The following CCDC93 variants were observed in gnomAD, a reference collection of about 807,000 sequenced individuals.
CCDC93 encodes coiled-coil domain-containing protein 93.
In CCDC93, 61 loss-of-function variants were observed where a neutral mutation model predicts 108.2. The ratio of observed to expected loss-of-function variants is 0.56; its 90% CI spans 0.46 to 0.70. CCDC93 has a LOEUF of 0.70. Ranked by LOEUF, CCDC93 falls within the 30% of genes least tolerant of loss-of-function variation. The probability of loss-of-function intolerance (pLI) is 0.00; values close to 1 mark genes in which losing one functional copy is unlikely to be tolerated. For synonymous variants in CCDC93, 276 were observed against 260.4 expected, an observed-to-expected ratio of 1.06 and a Z score of -0.58; for missense variants, 685 against 764.2, an observed-to-expected ratio of 0.90 and a Z score of 1.22.
chr2:117,987,217 G>A (rs1355173368), intron 6 of CCDC93, among the ~76,000 whole-genome samples: 1 of 152,120 alleles, frequency 6.6e-6, no homozygotes, highest in Non-Finnish European at 1.5e-5. Flanking sequence ...ACCACACTGT[G>A]AAGTAGAGAC....
At chr2:117,957,715 C>T (rs769424050) in intron 12 of CCDC93, among the ~76,000 whole-genome samples, 5 of 152,170 alleles carry the variant, frequency 3.3e-5, no homozygotes, top group Non-Finnish European at 5.9e-5. Context: ...GGCTAAGACC[C>T]TTCCTCCTCT....
intron 23 of CCDC93, among the ~76,000 whole-genome samples, chr2:117,924,813 A>G (rs1431601853): frequency 2.0e-5 from 3 of 152,220 alleles, no homozygotes; most frequent in Non-Finnish European, 4.4e-5. Flanking sequence ...GAGCAACTCC[A>G]AGACACATAA....
chr2:117,935,392 G>C, intron 22 of CCDC93, 103 bp downstream of exon 22: 1 of 789,012 alleles, frequency 1.3e-6, no homozygotes, highest in East Asian at 2.5e-5. Context: ...TTTCAGGATT[G>C]AGGGCACACT....
chr2:117,982,955 C>T (rs188593455), intron 7 of CCDC93, among the ~76,000 whole-genome samples: 2 of 152,262 alleles, frequency 1.3e-5, no homozygotes, highest in African/African-American at 4.8e-5. Flanking sequence ...CGGGCTGTTG[C>T]CCCCAAATAT....
At chr2:117,966,626 G>C (rs1679586895) in intron 11 of CCDC93, among the ~76,000 whole-genome samples, 1 of 152,180 alleles carries the variant, frequency 6.6e-6, no homozygotes, top group Non-Finnish European at 1.5e-5. Flanking sequence ...TGATAGATGG[G>C]GACAAGATCT....
chr2:118,009,184 A>G (rs1238497932), intron 1 of CCDC93, among the ~76,000 whole-genome samples: 1 of 152,102 alleles, frequency 6.6e-6, no homozygotes, highest in South Asian at 2.1e-4. Context: ...CAGCCTGGCC[A>G]ACATGGTGAA....
chr2:117,954,489 A>G (rs1439331409), intron 12 of CCDC93, among the ~76,000 whole-genome samples: 1 of 152,196 alleles, frequency 6.6e-6, no homozygotes, highest in South Asian at 2.1e-4. Flanking sequence ...GAAGTGTCCC[A>G]GTAGCTTAGC....
chr2:117,971,650 G>A (rs1032495183), intron 11 of CCDC93, among the ~76,000 whole-genome samples: 21 of 152,120 alleles, frequency 1.4e-4, no homozygotes, highest in African/African-American at 5.1e-4. Flanking sequence ...ATATATGGCC[G>A]AGGTCACACA....
In CCDC93 at chr2:117,944,326, G is replaced by T. The variant is rs1206266697; in HGVS notation, c.1351-240C>A. Among the ~76,000 whole-genome samples, 3 of 152,152 alleles carry T rather than the reference G, an allele frequency of 2.0e-5. No individual in the cohort carries two copies. The East Asian group carries it at 5.8e-4, about 29-fold the overall frequency. On this transcript the variant is annotated intron_variant, in intron 17 of 23. Transcript: ENST00000376300. ...CCCAGGGCAAATCCAGTATTCTTAAGTGAAGTAACCTCCAAATGTATATGC... is the reference window on the plus strand; with the variant it reads ...CCCAGGGCAAATCCAGTATTCTTAATTGAAGTAACCTCCAAATGTATATGC...
chr2:117,986,912 A>T (rs1292546755), intron 6 of CCDC93, among the ~76,000 whole-genome samples: 2 of 152,126 alleles, frequency 1.3e-5, no homozygotes, highest in East Asian at 3.9e-4. Flanking sequence ...ACATGGTGTC[A>T]GTTACTGTGC....
intron 23 of CCDC93, among the ~76,000 whole-genome samples, chr2:117,924,242 G>A (rs921597979): frequency 1.1e-4 from 16 of 152,334 alleles, no homozygotes; most frequent in South Asian, 4.1e-4. Context: ...CCAAAGGAAC[G>A]CAGCTCCTCA....
chr2:117,935,317 T>C (rs1265372087), intron 22 of CCDC93, among the ~76,000 whole-genome samples, 178 bp downstream of exon 22: 2 of 152,166 alleles, frequency 1.3e-5, no homozygotes, highest in Admixed American at 1.3e-4. Context: ...AGGCAGCTCA[T>C]GAGACAGGCC....
chr2:118,012,582 G>C (rs1425580698), intron 1 of CCDC93: 1 of 152,270 alleles, frequency 6.6e-6, no homozygotes, highest in Admixed American at 6.5e-5. Context: ...TACAGCAAAA[G>C]GCCAGGCAAA....
chr2:117,920,888 T>C (rs1677838025), intron 23 of CCDC93, among the ~76,000 whole-genome samples: 1 of 151,996 alleles, frequency 6.6e-6, no homozygotes, highest in African/African-American at 2.4e-5. Flanking sequence ...GAGATATTCA[T>C]CAAGAGATAA....
At position 117,928,824 on chromosome 2, in the gene CCDC93, A is replaced by G. The variant is rs190489953; in HGVS notation, c.1842+2213T>C. Among the ~76,000 whole-genome samples the G allele has an allele frequency of 6.6e-3, 1,008 of 152,336 alleles. 8 individuals carry two copies. Among genetic ancestry groups the G allele is most frequent in the Middle Eastern group, 0.01 (3 of 294 alleles). On this transcript the variant is annotated intron_variant, in intron 23 of 23. Transcript: ENST00000376300. ...ACACATGCACACGTATGTTTATTGC[A>G]GCACTATTCCCAATAGCAAATACTT...
chr2:117,987,699 T>C (rs1349790705), intron 6 of CCDC93, among the ~76,000 whole-genome samples: 2 of 152,224 alleles, frequency 1.3e-5, no homozygotes, highest in African/African-American at 4.8e-5. Context: ...CCTGTAAAGA[T>C]ACTGGCTTGG....
intron 6 of CCDC93, among the ~76,000 whole-genome samples, chr2:117,989,456 C>T (rs1433319521): frequency 1.3e-5 from 2 of 152,196 alleles, no homozygotes; most frequent in African/African-American, 4.8e-5. Flanking sequence ...CTTATATATG[C>T]TACTGCCACC....
At chr2:117,943,555 T>A (rs17047554) in intron 18 of CCDC93, among the ~76,000 whole-genome samples, 1 of 152,180 alleles carries the variant, frequency 6.6e-6, no homozygotes, top group South Asian at 2.1e-4. Context: ...GAAGGTTGGC[T>A]TGAACCAAAG....
At chr2:117,989,750 T>C (rs1457078269) in intron 6 of CCDC93, among the ~76,000 whole-genome samples, 3 of 152,248 alleles carry the variant, frequency 2.0e-5, no homozygotes, top group African/African-American at 4.8e-5. Flanking sequence ...GTATATTTAA[T>C]AGTACCTGAC....
Sources: gnomAD v4.1 joint callset for allele counts (sites outside exome capture counted in the v4.1 genomes callset) on GRCh38, gnomAD v4.1.1 for gene constraint, MANE v1.5 for transcripts, NCBI Gene and HGNC (gene_info 2026-07-23, HGNC 2026-07-21) for gene names.